Variants in AGBL4 observed in about 807,000 individuals in gnomAD.
AGBL4 encodes the protein cytosolic carboxypeptidase 6.
In AGBL4, 58 loss-of-function variants were observed where a neutral mutation model predicts 66.4. The ratio of observed to expected loss-of-function variants is 0.87; its 90% confidence interval spans 0.71 to 1.09. The LOEUF (loss-of-function observed/expected upper bound fraction) is 1.09. Ranked by LOEUF, AGBL4 falls within the 50% of genes least tolerant of loss-of-function variation. The pLI is 0.00. For missense variants in AGBL4, 579 were observed against 631.0 expected (o/e 0.92, Z 0.88); for synonymous variants, 234 against 222.9 (o/e 1.05, Z -0.44).
chr1:50,020,028 T>C (rs942781121), intron 1 of AGBL4, among the ~76,000 whole-genome samples: 1 of 152,036 alleles, frequency 6.6e-6, no homozygotes, highest in African/African-American at 2.4e-5. Context: ...AAATTTCTAA[T>C]GTATTGCATA....
chr1:48,782,518 A>G (rs1322899727), intron 6 of AGBL4, among the ~76,000 whole-genome samples: 2 of 152,214 alleles, frequency 1.3e-5, no homozygotes, highest in African/African-American at 2.4e-5. Flanking sequence ...CTCTCTGCTA[A>G]TGATTGACCA....
chr1:49,282,165 G>A (rs1644287367), intron 3 of AGBL4, among the ~76,000 whole-genome samples: 1 of 152,178 alleles, frequency 6.6e-6, no homozygotes, highest in South Asian at 2.1e-4. Flanking sequence ...CCAGACATAT[G>A]TTGGTTACCA....
chr1:49,876,081 C>T (rs1220671044), intron 1 of AGBL4, among the ~76,000 whole-genome samples: 1,881 of 148,102 alleles, frequency 0.013, 35 homozygotes, highest in African/African-American at 0.045. Context: ...GAGTAGGTTG[C>T]GAAAATTTTC....
intron 2 of AGBL4, among the ~76,000 whole-genome samples, chr1:49,709,036 A>C (rs1222747739): frequency 6.6e-6 from 1 of 152,162 alleles, no homozygotes; most frequent in Non-Finnish European, 1.5e-5. Context: ...CACGGTGGTC[A>C]GGGACCCAAA....
chr1:49,245,267 C>T (rs1423034607), intron 4 of AGBL4, among the ~76,000 whole-genome samples: 1 of 149,186 alleles, frequency 6.7e-6, no homozygotes, highest in African/African-American at 2.5e-5. Flanking sequence ...TACACACACA[C>T]ACACACACAC....
At chr1:49,455,853 C>G (rs1386706888) in intron 3 of AGBL4, among the ~76,000 whole-genome samples, 1 of 151,616 alleles carries the variant, frequency 6.6e-6, no homozygotes, top group Non-Finnish European at 1.5e-5. Context: ...CTTTTACCTC[C>G]CAAGGTCTTG....
At chr1:48,913,081 G>A (rs932274275) in intron 5 of AGBL4, among the ~76,000 whole-genome samples, 5 of 152,172 alleles carry the variant, frequency 3.3e-5, no homozygotes, top group African/African-American at 9.7e-5. Context: ...ACTACAGGAA[G>A]AAATGTAAAG....
chr1:49,751,966 T>C (rs996386722), intron 2 of AGBL4, among the ~76,000 whole-genome samples: 3 of 150,924 alleles, frequency 2.0e-5, no homozygotes, highest in Admixed American at 6.6e-5. Flanking sequence ...TCTTCTCTCT[T>C]TTCTTTTTTT....
At chr1:49,605,727 C>T (rs181315218) in intron 3 of AGBL4, among the ~76,000 whole-genome samples, 1 of 152,150 alleles carries the variant, frequency 6.6e-6, no homozygotes, top group Non-Finnish European at 1.5e-5. Flanking sequence ...AAACTACCAA[C>T]ATCATGGCCT....
At chr1:49,482,286 T>C (rs770386558) in intron 3 of AGBL4, among the ~76,000 whole-genome samples, 1 of 151,962 alleles carries the variant, frequency 6.6e-6, no homozygotes, top group Admixed American at 6.6e-5. Flanking sequence ...GGTTTATTGG[T>C]TGGTAGGCTC....
chr1:49,156,429 A>C (rs946121488), intron 4 of AGBL4, among the ~76,000 whole-genome samples: 1 of 152,180 alleles, frequency 6.6e-6, no homozygotes, highest in African/African-American at 2.4e-5. Flanking sequence ...TATCTCTCAC[A>C]GTGTCTGAGA....
intron 3 of AGBL4, 144 bp from the exon 4 acceptor site, chr1:49,246,008 G>A: frequency 1.7e-6 from 1 of 600,190 alleles, no homozygotes; most frequent in Non-Finnish European, 2.9e-6. Context: ...CAGTGCTCAT[G>A]AGAATGTAAT....
At chr1:49,739,211 G>A (rs1249723830) in intron 2 of AGBL4, among the ~76,000 whole-genome samples, 1 of 152,208 alleles carries the variant, frequency 6.6e-6, no homozygotes, top group African/African-American at 2.4e-5. Context: ...AGTCCTTAAA[G>A]GACCTGATGG....
intron 6 of AGBL4, among the ~76,000 whole-genome samples, chr1:48,765,258 C>T (rs533430652): frequency 1.3e-5 from 2 of 152,192 alleles, no homozygotes; most frequent in African/African-American, 4.8e-5. Context: ...ACTCATCAAA[C>T]AAAAATGTTT....
chr1:49,229,251 C>T (rs967751948), intron 4 of AGBL4, among the ~76,000 whole-genome samples: 1 of 152,176 alleles, frequency 6.6e-6, no homozygotes. Context: ...TAAATAGATT[C>T]CTTTTAGACT....
chr1:48,846,362 G>GAAGAAGAAAGA (rs1553243605), intron 6 of AGBL4, among the ~76,000 whole-genome samples: 149 of 118,688 alleles, frequency 1.3e-3, no homozygotes, highest in African/African-American at 4.4e-3. Flanking sequence ...GAGAAAGAAA[G>GAAGAAGAAAGA]AAGAAAGAAA....
intron 6 of AGBL4, among the ~76,000 whole-genome samples, chr1:48,667,902 T>G (rs1330442601): frequency 6.6e-6 from 1 of 152,150 alleles, no homozygotes; most frequent in Non-Finnish European, 1.5e-5. Flanking sequence ...GTTTCCCCAT[T>G]CCTCCAGACA....
At chr1:48,827,643 C>G (rs1646455155) in intron 6 of AGBL4, among the ~76,000 whole-genome samples, 2 of 152,178 alleles carry the variant, frequency 1.3e-5, no homozygotes, top group Admixed American at 6.5e-5. Flanking sequence ...CTACTGTGTG[C>G]AGACATGTAG....
rs573264990 is a variant in AGBL4, at chr1:48,552,956, C to A, written c.1268-13218G>T. ...GTGTCCTCCCTCCATTTCTAGCACACCTCAATACCCGAGATGCCTCTCCCT... is the reference window on the plus strand; with the variant it reads ...GTGTCCTCCCTCCATTTCTAGCACAACTCAATACCCGAGATGCCTCTCCCT... On this transcript the variant is annotated intron_variant, in intron 11 of 13. Coordinates refer to ENST00000371839, the MANE Select transcript of AGBL4 (RefSeq NM_032785.4). 3.9e-5 allele frequency among the ~76,000 whole-genome samples: 6 copies of A among 152,116 alleles called. No individual in the cohort carries two copies. In the South Asian group the frequency reaches 1.2e-3, roughly 32 times the overall value.
Sources: allele counts gnomAD v4.1 joint callset (sites outside exome capture counted in the v4.1 genomes callset), GRCh38; gene constraint gnomAD v4.1.1; transcripts MANE v1.5; gene names NCBI Gene and HGNC (gene_info 2026-07-23, HGNC 2026-07-21).